SLC24A2: variants seen among roughly 807,000 people sequenced by gnomAD.
SLC24A2 encodes the protein solute carrier family 24 member 2, also known as sodium/potassium/calcium exchanger 2.
In SLC24A2, 36 loss-of-function variants were observed where a neutral mutation model predicts 62.0. The observed-to-expected ratio is 0.58, with a 90% confidence interval of 0.44 to 0.77. The LOEUF is 0.77. Ranked by LOEUF, SLC24A2 falls within the 30% of genes least tolerant of loss-of-function variation. The pLI is 0.00. For missense variants in SLC24A2, 846 were observed against 817.9 expected (o/e 1.03, Z -0.42); for synonymous variants, 358 against 294.0 (o/e 1.22, Z -2.23).
the SLC24A2 span, among the ~76,000 whole-genome samples, chr9:19,886,109 G>A: frequency 6.6e-6 from 1 of 152,242 alleles, no homozygotes; most frequent in East Asian, 1.9e-4. Flanking sequence ...TTTTGGTATA[G>A]ACCTAATAAT....
chr9:20,270,713 G>C, the SLC24A2 span, among the ~76,000 whole-genome samples: 4 of 152,126 alleles, frequency 2.6e-5, no homozygotes, highest in African/African-American at 9.7e-5. Context: ...ACAGACTCTG[G>C]GGATATAACA....
intron 2 of SLC24A2, among the ~76,000 whole-genome samples, chr9:19,671,054 A>G (rs1819397962): frequency 1.6e-5 from 1 of 63,292 alleles, no homozygotes; most frequent in South Asian, 7.7e-4. Flanking sequence ...AGCAGCATTT[A>G]CTGTTTGGAA....
the SLC24A2 span, among the ~76,000 whole-genome samples, chr9:20,189,287 A>G: frequency 2.6e-5 from 4 of 152,264 alleles, no homozygotes; most frequent in East Asian, 5.8e-4. Flanking sequence ...CTTAAGAGCC[A>G]GAGTTTCCAG....
the SLC24A2 span, among the ~76,000 whole-genome samples, chr9:20,195,077 C>T: frequency 1.3e-5 from 2 of 152,094 alleles, no homozygotes; most frequent in Non-Finnish European, 2.9e-5. Flanking sequence ...TTCCCCAGCT[C>T]ATGTTGATAA....
chr9:20,010,487 T>C, the SLC24A2 span, among the ~76,000 whole-genome samples: 1 of 152,072 alleles, frequency 6.6e-6, no homozygotes, highest in East Asian at 1.9e-4. Context: ...AAAATATGGA[T>C]ACAAAATTAA....
the SLC24A2 span, among the ~76,000 whole-genome samples, chr9:19,921,078 TG>T: frequency 0.056 from 7,558 of 135,656 alleles, 320 homozygotes; most frequent in East Asian, 0.23. Flanking sequence ...ATAATTATTA[TG>T]GGGGGGGGGT....
chr9:19,762,075 T>G (rs976550766), intron 2 of SLC24A2, among the ~76,000 whole-genome samples: 2 of 152,242 alleles, frequency 1.3e-5, no homozygotes, highest in African/African-American at 4.8e-5. Context: ...CCACAATGGT[T>G]GAACTAGTTT....
At chr9:20,028,128 G>A in the SLC24A2 span, among the ~76,000 whole-genome samples, 2 of 152,188 alleles carry the variant, frequency 1.3e-5, no homozygotes, top group African/African-American at 4.8e-5. Flanking sequence ...GCTTAAGGAA[G>A]CAGAAAAGAA....
At chr9:19,614,620 TG>T (rs1367566126) in intron 4 of SLC24A2, among the ~76,000 whole-genome samples, 1 of 152,172 alleles carries the variant, frequency 6.6e-6, no homozygotes, top group Admixed American at 6.5e-5. Context: ...ACTGATTGAA[TG>T]CAGTACAACT....
Position 19,746,294 on chromosome 9 carries a change from G to A in SLC24A2, c.930+39643C>T, listed in dbSNP as rs376455490. ...TATCTTTTGTTCATCAGAGCTCTACGTAACTCCAAAAGCAGATGCAAAATC... is the reference window on the plus strand; with the variant it reads ...TATCTTTTGTTCATCAGAGCTCTACATAACTCCAAAAGCAGATGCAAAATC... On this transcript the variant is annotated intron_variant, in intron 2 of 10. Transcript: ENST00000341998. Among the ~76,000 whole-genome samples the A allele has an allele frequency of 1.0e-3, 154 of 152,084 alleles. 1 individual carries two copies. The highest frequency in any genetic ancestry group is 3.4e-3 in the African/African-American group (143 of 41,482).
the SLC24A2 span, among the ~76,000 whole-genome samples, chr9:20,198,556 G>A: frequency 3.9e-5 from 6 of 152,146 alleles, no homozygotes; most frequent in African/African-American, 1.2e-4. Flanking sequence ...AGCTTTGAAA[G>A]CCAGCTGGCG....
intron 2 of SLC24A2, among the ~76,000 whole-genome samples, chr9:19,755,626 G>T (rs934735029): frequency 1.3e-5 from 2 of 152,146 alleles, no homozygotes; most frequent in African/African-American, 4.8e-5. Flanking sequence ...CTGGGCAAAT[G>T]CTCCATTTTC....
the SLC24A2 span, among the ~76,000 whole-genome samples, chr9:20,235,428 T>G: frequency 6.6e-6 from 1 of 152,204 alleles, no homozygotes; most frequent in African/African-American, 2.4e-5. Context: ...AACTCGGCAA[T>G]GGCAGGTGCC....
chr9:20,139,225 G>T, the SLC24A2 span, among the ~76,000 whole-genome samples: 4 of 152,160 alleles, frequency 2.6e-5, no homozygotes, highest in East Asian at 7.7e-4. Flanking sequence ...TGTCTATTAT[G>T]TAGTGATTAA....
chr9:20,226,721 A>G, the SLC24A2 span, among the ~76,000 whole-genome samples: 1 of 152,084 alleles, frequency 6.6e-6, no homozygotes, highest in Non-Finnish European at 1.5e-5. Flanking sequence ...TAGTGGGCAC[A>G]TTCTTCCATC....
At chr9:20,247,440 G>A in the SLC24A2 span, among the ~76,000 whole-genome samples, 1 of 152,142 alleles carries the variant, frequency 6.6e-6, no homozygotes, top group South Asian at 2.1e-4. Flanking sequence ...AGGGCCTTTG[G>A]GAGGTAATAA....
the SLC24A2 span, among the ~76,000 whole-genome samples, chr9:20,157,593 G>C: frequency 6.6e-6 from 1 of 151,626 alleles, no homozygotes; most frequent in Admixed American, 6.6e-5. Context: ...AGATACTGGA[G>C]GTTGCAACCA....
chr9:19,694,402 G>C (rs1028927753), intron 2 of SLC24A2, among the ~76,000 whole-genome samples: 1 of 152,018 alleles, frequency 6.6e-6, no homozygotes. Context: ...TAAATAATTT[G>C]TTAACCGGAG....
At chr9:19,544,834 C>G (rs1437271408) in intron 8 of SLC24A2, among the ~76,000 whole-genome samples, 2 of 152,154 alleles carry the variant, frequency 1.3e-5, no homozygotes, top group Non-Finnish European at 2.9e-5. Context: ...GGTAACCTGA[C>G]CTTTCTCTCT....
Sources: gnomAD v4.1 joint callset for allele counts (sites outside exome capture counted in the v4.1 genomes callset) on GRCh38, gnomAD v4.1.1 for gene constraint, MANE v1.5 for transcripts, NCBI Gene and HGNC (gene_info 2026-07-23, HGNC 2026-07-21) for gene names.